Variants in WDR49 observed in about 807,000 individuals in gnomAD.
WDR49 encodes cilia- and flagella-associated protein 337.
WDR49 carries 107 observed loss-of-function variants against 119.5 expected under a neutral mutation model. That is an observed-to-expected ratio of 0.90 (90% CI 0.77 to 1.05). The LOEUF (loss-of-function observed/expected upper bound fraction) is 1.05. WDR49 is among the 50% of genes least tolerant of loss of function. The pLI is 0.00. For missense variants in WDR49, 1,240 were observed against 1,220.5 expected, an observed-to-expected ratio of 1.02 and a Z score of -0.24; for synonymous variants, 425 against 418.8, an observed-to-expected ratio of 1.01 and a Z score of -0.18.
intron 10 of WDR49, among the ~76,000 whole-genome samples, chr3:167,546,858 T>C (rs1712235489): frequency 6.6e-6 from 1 of 151,998 alleles, no homozygotes; most frequent in Non-Finnish European, 1.5e-5. Context: ...GTTAGTCCTA[T>C]TGTCATGTCT....
chr3:167,560,139 G>A lies in WDR49; in HGVS notation c.1599C>T (p.Asn533=), dbSNP rs372277287. 54 of 1,614,136 alleles carry A rather than the reference G, an allele frequency of 3.3e-5. No individual in the cohort carries two copies. The highest frequency in any genetic ancestry group is 1.6e-4 in the Middle Eastern group (1 of 6,062). Residue 533 remains asparagine, a synonymous_variant, in exon 9 of 19, where the codon AAC becomes AAT. Coordinates refer to ENST00000682715, the MANE Select transcript of WDR49 (RefSeq NM_001366157.1). ...KIKQFTGCHG[N]AEISTMALDA... is the part of the protein sequence containing the mutation. ...CAAGGGCCATAGTGCTGATTTCTGC[G>A]TTGCCGTGGCAACCAGTAAACTGTT... is the stretch of plus-strand genomic sequence containing the variant.
At chr3:167,571,024 C>CAAAAA (rs202109133) in intron 8 of WDR49, among the ~76,000 whole-genome samples, 1 of 84,368 alleles carries the variant, frequency 1.2e-5, no homozygotes. Context: ...GACTCCATCT[C>CAAAAA]AAAAAAAAAA....
rs761602862 is a variant in WDR49, at chr3:167,505,366, C to T, written c.2825G>A (p.Ser942Asn). Residue 942 changes from serine to asparagine, a missense_variant, in exon 17 of 19, where the codon AGT (serine) becomes AAT (asparagine). By Grantham distance (46) the Ser-to-Asn change is conservative (BLOSUM62 1). Coordinates refer to ENST00000682715, the MANE Select transcript of WDR49 (RefSeq NM_001366157.1). ...TTTTTGTGTTTCTTTCATGCAGGTA[C>T]TTCTTTCCTTATATTTTATATCTAA... The part of the protein sequence containing the change: ...INLDIKYKER[S>N]TCMKETQKPY... 1.7e-5 allele frequency: 26 copies of T among 1,529,712 alleles called. No individual in the cohort carries two copies. Among genetic ancestry groups the T allele is most frequent in the Admixed American group, 2.4e-5 (1 of 42,320 alleles). The allele number at this position is 1,529,712 out of a possible 1,614,324, so 94.8% of individuals were successfully genotyped here.
rs1283791070 is a variant in WDR49 at position 167,528,970 on chromosome 3, A to G, written c.2406+82T>C. 6 of 1,194,848 alleles carry G rather than the reference A, an allele frequency of 5.0e-6. No individual in the cohort carries two copies. The African/African-American group carries it at 7.7e-5, about 15-fold the overall frequency. The allele number at this position is 1,194,848 out of a possible 1,614,324, so 74.0% of individuals were successfully genotyped here. ...ACATTTTTTCCTTTGTTTAGGAGAC[A>G]GACAAGGCTTGATTCATAGTTACCT... On this transcript the variant is annotated intron_variant, in intron 14 of 18. Transcript: ENST00000682715.
rs748734746 is a variant in WDR49, at chr3:167,478,863, GT to G, written c.*14del. On this transcript the variant is annotated 3_prime_UTR_variant, in exon 19 of 19. Transcript: ENST00000682715. ...ATCTGTACCTTATGTAACAGTGAAG[GT>G]TTTTCTGTTGTAATTACTTCTTATT... 97 of 1,541,838 alleles carry G rather than the reference GT, an allele frequency of 6.3e-5. No homozygotes were observed. In the African/African-American group the frequency reaches 1.2e-3, roughly 19 times the overall value.
chr3:167,504,146 G>A (rs1224018595), intron 17 of WDR49, among the ~76,000 whole-genome samples: 12 of 152,118 alleles, frequency 7.9e-5, no homozygotes, highest in Admixed American at 7.9e-4. Flanking sequence ...GTCCCCACTG[G>A]GGCACTGCCT....
At chr3:167,609,889 G>A (rs1716261122) in intron 5 of WDR49, among the ~76,000 whole-genome samples, 1 of 152,134 alleles carries the variant, frequency 6.6e-6, no homozygotes, top group African/African-American at 2.4e-5. Flanking sequence ...TCAGAGTTGT[G>A]AGGCTCCTGT....
intron 4 of WDR49, among the ~76,000 whole-genome samples, chr3:167,621,226 A>G (rs546661988): frequency 1.3e-5 from 2 of 152,254 alleles, no homozygotes; most frequent in South Asian, 2.1e-4. Flanking sequence ...TTTTTTCTAC[A>G]TGAGAAAAGT....
At chr3:167,536,712 CATATAT>C (rs57802270) in intron 11 of WDR49, among the ~76,000 whole-genome samples, 152 bp downstream of exon 11, 9 of 136,890 alleles carry the variant, frequency 6.6e-5, no homozygotes, top group East Asian at 4.1e-4. Flanking sequence ...TATACACACA[CATATAT>C]ATATATATAT....
chr3:167,600,451 A>G (rs532339189), intron 7 of WDR49, among the ~76,000 whole-genome samples: 2 of 152,312 alleles, frequency 1.3e-5, no homozygotes, highest in East Asian at 3.9e-4. Flanking sequence ...AGTTAAAACC[A>G]GGTACTGTGA....
upstream of WDR49, among the ~76,000 whole-genome samples, chr3:167,654,412 T>C (rs1718525092): frequency 6.6e-6 from 1 of 152,184 alleles, no homozygotes; most frequent in African/African-American, 2.4e-5. Context: ...ATAAATCTAA[T>C]GATAAAATTG....
intron 7 of WDR49, among the ~76,000 whole-genome samples, chr3:167,585,197 A>G (rs1379979805): frequency 6.6e-6 from 1 of 152,134 alleles, no homozygotes; most frequent in African/African-American, 2.4e-5. Context: ...TTCACACACA[A>G]AAATGAACAC....
chr3:167,641,237 G>A (rs1232384504), intron 2 of WDR49, among the ~76,000 whole-genome samples: 3 of 151,850 alleles, frequency 2.0e-5, no homozygotes, highest in Admixed American at 2.0e-4. Context: ...TTTTTATGAT[G>A]TGTCTCTGCA....
chr3:167,603,232 CA>C (rs1259580128), intron 6 of WDR49, among the ~76,000 whole-genome samples: 4 of 151,868 alleles, frequency 2.6e-5, no homozygotes, highest in African/African-American at 9.7e-5. Flanking sequence ...AGCTTAGGGC[CA>C]GTTGTGGAGC....
chr3:167,634,431 T>C (rs2420035), intron 2 of WDR49, among the ~76,000 whole-genome samples: 1,713 of 152,048 alleles, frequency 0.011, 15 homozygotes, highest in South Asian at 0.027. Flanking sequence ...CAGCTGATTA[T>C]ATCACTAGGC....
chr3:167,566,975 G>A, intron 8 of WDR49: 1 of 576,742 alleles, frequency 1.7e-6, no homozygotes, highest in Non-Finnish European at 3.1e-6. Context: ...TGGAAAGGGA[G>A]GCAGGAGGTC....
intron 5 of WDR49, among the ~76,000 whole-genome samples, chr3:167,606,660 G>C (rs546544749): frequency 6.6e-6 from 1 of 152,302 alleles, no homozygotes; most frequent in Admixed American, 6.5e-5. Context: ...GGTTCACAGA[G>C]CTGGCTCACA....
chr3:167,646,350 G>T (rs1269433528), intron 2 of WDR49, among the ~76,000 whole-genome samples: 1 of 152,054 alleles, frequency 6.6e-6, no homozygotes, highest in Non-Finnish European at 1.5e-5. Flanking sequence ...CTATCTCTGG[G>T]GCCAAGGATC....
intron 2 of WDR49, among the ~76,000 whole-genome samples, chr3:167,645,378 T>C (rs2108344251): frequency 6.6e-6 from 1 of 151,910 alleles, no homozygotes; most frequent in African/African-American, 2.4e-5. Context: ...GCCTGGCTAG[T>C]TTTCGTATTT....
Sources: gnomAD v4.1 joint callset for allele counts (sites outside exome capture counted in the v4.1 genomes callset) on GRCh38, gnomAD v4.1.1 for gene constraint, MANE v1.5 for transcripts, NCBI Gene and HGNC (gene_info 2026-07-23, HGNC 2026-07-21) for gene names.